ADGRL3: variants seen among roughly 807,000 people sequenced by gnomAD.
ADGRL3 encodes adhesion G protein-coupled receptor L3, also known as calcium-independent alpha-latrotoxin receptor 3.
Under a neutral mutation model 153.5 loss-of-function variants are expected in ADGRL3, and 62 were observed. The ratio of observed to expected loss-of-function variants is 0.40; its 90% confidence interval spans 0.33 to 0.50. ADGRL3 has a LOEUF of 0.50. Ranked by LOEUF, ADGRL3 falls within the 20% of genes least tolerant of loss-of-function variation. The pLI is 0.47. For synonymous variants in ADGRL3, 710 were observed against 672.5 expected, an observed-to-expected ratio of 1.06 and a Z score of -0.86; for missense variants, 1,641 against 1,859.4, an observed-to-expected ratio of 0.88 and a Z score of 2.16.
chr4:62,003,470 G>A (rs997931975), intron 21 of ADGRL3, among the ~76,000 whole-genome samples: 5 of 151,986 alleles, frequency 3.3e-5, no homozygotes, highest in Admixed American at 2.0e-4. Context: ...ATGTTTACAC[G>A]ACCTTGGCAA....
intron 9 of ADGRL3, among the ~76,000 whole-genome samples, chr4:61,850,666 A>T (rs2098191363): frequency 6.6e-6 from 1 of 152,208 alleles, no homozygotes; most frequent in African/African-American, 2.4e-5. Context: ...TCTTTGCAGC[A>T]TTGTAAACTT....
chr4:61,398,743 C>T (rs182236525), intron 2 of ADGRL3, among the ~76,000 whole-genome samples: 8 of 151,502 alleles, frequency 5.3e-5, no homozygotes, highest in Admixed American at 2.0e-4. Context: ...ATTTTACTCC[C>T]TTGCCATAGT....
At chr4:61,534,264 G>A (rs2152968256) in intron 4 of ADGRL3, among the ~76,000 whole-genome samples, 1 of 152,080 alleles carries the variant, frequency 6.6e-6, no homozygotes, top group Admixed American at 6.5e-5. Flanking sequence ...GTCACTGTGT[G>A]GCTTTATTTT....
intron 9 of ADGRL3, among the ~76,000 whole-genome samples, chr4:61,842,382 G>C (rs1043994312): frequency 6.6e-6 from 1 of 151,920 alleles, no homozygotes; most frequent in Non-Finnish European, 1.5e-5. Flanking sequence ...ATTTTTTAGC[G>C]TACAAGATAT....
intron 6 of ADGRL3, among the ~76,000 whole-genome samples, chr4:61,703,610 GA>G (rs147140844): frequency 8.8e-4 from 129 of 146,576 alleles, no homozygotes; most frequent in African/African-American, 2.5e-3. Context: ...TAAGATTTTA[GA>G]AAAAAAAAAG....
chr4:61,435,641 G>A (rs1037671), intron 2 of ADGRL3, among the ~76,000 whole-genome samples: 141,764 of 152,124 alleles, frequency 0.93, 66,888 homozygotes, highest in East Asian at 1. Flanking sequence ...AAATTCCTAA[G>A]TGTATTGTCC....
chr4:61,952,650 ACT>A (rs2098951646), intron 17 of ADGRL3, among the ~76,000 whole-genome samples: 1 of 151,784 alleles, frequency 6.6e-6, no homozygotes, highest in South Asian at 2.1e-4. Context: ...AGGACTACAA[ACT>A]CTATTTTGTC....
intron 10 of ADGRL3, among the ~76,000 whole-genome samples, chr4:61,893,942 C>T (rs1345082020): frequency 1.3e-5 from 2 of 151,996 alleles, no homozygotes; most frequent in Non-Finnish European, 2.9e-5. Flanking sequence ...AACTCCTGAC[C>T]TCAGATGATC....
At chr4:61,217,347 G>A (rs1743260534) in intron 1 of ADGRL3, among the ~76,000 whole-genome samples, 2 of 152,148 alleles carry the variant, frequency 1.3e-5, no homozygotes, top group South Asian at 2.1e-4. Flanking sequence ...GAGATAGGAA[G>A]GTTGACTAGG....
intron 17 of ADGRL3, among the ~76,000 whole-genome samples, chr4:61,974,650 G>A (rs2099041631): frequency 6.6e-6 from 1 of 152,124 alleles, no homozygotes; most frequent in Non-Finnish European, 1.5e-5. Context: ...AAGAGATTAA[G>A]TACTTTGTTA....
intron 9 of ADGRL3, among the ~76,000 whole-genome samples, chr4:61,857,083 T>TC (rs2098283021): frequency 6.6e-6 from 1 of 151,076 alleles, no homozygotes; most frequent in Non-Finnish European, 1.5e-5. Flanking sequence ...TTTCTTTCTT[T>TC]TTTTCTTTCT....
chr4:61,765,263 C>T (rs957255961), intron 8 of ADGRL3, among the ~76,000 whole-genome samples: 25 of 152,014 alleles, frequency 1.6e-4, no homozygotes, highest in Non-Finnish European at 2.8e-4. Context: ...GTAGGGATGA[C>T]AGGTTTTTTG....
chr4:62,016,027 T>G (rs1429121542), intron 21 of ADGRL3, among the ~76,000 whole-genome samples: 1 of 151,914 alleles, frequency 6.6e-6, no homozygotes, highest in Non-Finnish European at 1.5e-5. Flanking sequence ...TCCCTTTTAT[T>G]TTCTTTTTTC....
chr4:61,212,467 T>C (rs1272672309), intron 1 of ADGRL3, among the ~76,000 whole-genome samples: 1 of 152,190 alleles, frequency 6.6e-6, no homozygotes, highest in Non-Finnish European at 1.5e-5. Context: ...AAAGAAAATA[T>C]ACTTCAGTGT....
chr4:61,616,047 A>G (rs1001876290), intron 5 of ADGRL3, among the ~76,000 whole-genome samples: 41 of 152,300 alleles, frequency 2.7e-4, no homozygotes, highest in Middle Eastern at 3.4e-3. Flanking sequence ...TGTACAGGTC[A>G]TATTGAACAT....
At chr4:61,487,588 G>T (rs901155815) in intron 2 of ADGRL3, among the ~76,000 whole-genome samples, 3 of 151,966 alleles carry the variant, frequency 2.0e-5, no homozygotes, top group Admixed American at 2.0e-4. Flanking sequence ...TTTAAGTGTA[G>T]CTTACTTGCC....
intron 25 of ADGRL3, among the ~76,000 whole-genome samples, chr4:62,059,175 C>G (rs1229439396): frequency 2.0e-5 from 3 of 152,008 alleles, no homozygotes; most frequent in Admixed American, 1.3e-4. Context: ...TGAGGTCACT[C>G]CAAGTCCTGA....
At chr4:61,404,998 T>G (rs1399234855) in intron 2 of ADGRL3, among the ~76,000 whole-genome samples, 1 of 152,076 alleles carries the variant, frequency 6.6e-6, no homozygotes, top group Non-Finnish European at 1.5e-5. Flanking sequence ...GGAGTAACTA[T>G]GCTTACATGG....
At chr4:61,507,873 T>C (rs1042428822) in intron 3 of ADGRL3, among the ~76,000 whole-genome samples, 2 of 152,202 alleles carry the variant, frequency 1.3e-5, no homozygotes, top group Non-Finnish European at 2.9e-5. Context: ...ATTGGCAGTA[T>C]GATTAAGGTA....
Sources: gnomAD v4.1 joint callset for allele counts (sites outside exome capture counted in the v4.1 genomes callset) on GRCh38, gnomAD v4.1.1 for gene constraint, MANE v1.5 for transcripts, NCBI Gene and HGNC (gene_info 2026-07-23, HGNC 2026-07-21) for gene names.